F11R: variants seen among roughly 807,000 people sequenced by gnomAD.
F11R encodes the protein F11 receptor.
Under a neutral mutation model 39.3 loss-of-function variants are expected in F11R, and 27 were observed. That is an observed-to-expected ratio of 0.69 (90% CI 0.51 to 0.95). F11R has a LOEUF of 0.95. Among genes scored for constraint, F11R ranks in the 40% least tolerant of loss-of-function variants. F11R has a pLI of 0.00. For missense variants in F11R, 335 were observed against 372.7 expected (o/e 0.90, Z 0.83); for synonymous variants, 131 against 144.9 (o/e 0.90, Z 0.69).
rs566214854 is a variant in F11R, at chr1:160,996,283, T to C, written c.*2588A>G. The C allele has an allele frequency of 6.6e-6, 1 of 152,474 alleles. No individual in the cohort carries two copies. The highest frequency in any genetic ancestry group is 2.1e-4 in the South Asian group (1 of 4,830). The allele number at this position is 152,474 out of a possible 1,614,324, so 9.4% of individuals were successfully genotyped here. On this transcript the variant is annotated 3_prime_UTR_variant, in exon 10 of 10. Coordinates refer to ENST00000368026, the MANE Select transcript of F11R (RefSeq NM_016946.6). ...GGTGTTTTCCAGTTCAAAAGGTCCA[T>C]TGTAAGCTAGAGAAGTAAATTCCAA...
intron 1 of F11R, among the ~76,000 whole-genome samples, chr1:161,015,106 T>C (rs975589287): frequency 2.2e-5 from 3 of 136,368 alleles, no homozygotes; most frequent in Admixed American, 7.6e-5. Context: ...TAAAAAAATA[T>C]GTACAAAAGG....
chr1:161,017,076 C>T (rs1649502781), intron 1 of F11R, among the ~76,000 whole-genome samples: 1 of 152,110 alleles, frequency 6.6e-6, no homozygotes, highest in Non-Finnish European at 1.5e-5. Flanking sequence ...CAGCATGCTC[C>T]TTAAGAGTCA....
chr1:161,005,995 G>A (rs915448021), intron 1 of F11R, among the ~76,000 whole-genome samples: 4 of 152,014 alleles, frequency 2.6e-5, no homozygotes, highest in Admixed American at 6.6e-5. Context: ...AAAATTAGCC[G>A]GGCATGGTGG....
At chr1:161,001,376 G>A (rs1557890148) in intron 1 of F11R, 23 bp from the exon 2 acceptor site, 2 of 1,604,984 alleles carry the variant, frequency 1.2e-6, no homozygotes, top group East Asian at 4.5e-5. Flanking sequence ...AAAGAGGTGG[G>A]CCCTGTCAGG....
In F11R at chr1:160,999,801, C is replaced by T. The variant is rs894859437; in HGVS notation, c.695-54G>A. On this transcript the variant is annotated intron_variant, in intron 6 of 9. Coordinates refer to ENST00000368026, the MANE Select transcript of F11R (RefSeq NM_016946.6). ...CGGGGATACTCACTCACGGCACCTA[C>T]AGTATCACCAATGGCAGGATGAAAA... 18 of 1,602,752 alleles carry T rather than the reference C, an allele frequency of 1.1e-5. No homozygotes were observed. The African/African-American group carries it at 2.1e-4, about 19-fold the overall frequency.
intron 1 of F11R, among the ~76,000 whole-genome samples, chr1:161,008,188 G>A (rs1189395696): frequency 6.6e-6 from 1 of 152,082 alleles, no homozygotes; most frequent in East Asian, 1.9e-4. Flanking sequence ...TAGGTTTTGG[G>A]CCCATGTATA....
rs1044478 is a variant in F11R at position 160,997,173 on chromosome 1, C to T, written c.*1698G>A. On this transcript the variant is annotated 3_prime_UTR_variant, in exon 10 of 10. Transcript: ENST00000368026. Reference sequence around the variant, plus strand: ...AGAAAGCAATGACAGCCAGGCTGTCCGGCTCATTCCTGTTCATTCACATGC... The same window carrying T: ...AGAAAGCAATGACAGCCAGGCTGTCTGGCTCATTCCTGTTCATTCACATGC... 34,135 of 152,222 alleles carry T rather than the reference C, an allele frequency of 0.22. 4,555 individuals carry two copies. The highest frequency in any genetic ancestry group is 0.29 in the Non-Finnish European group (19,647 of 67,972). 9.4% of individuals were successfully genotyped at this position (152,222 alleles called of 1,614,324 possible).
chr1:160,999,835 C>T (rs978177241), intron 6 of F11R, 41 bp downstream of exon 6: 2 of 1,609,464 alleles, frequency 1.2e-6, no homozygotes, highest in African/African-American at 2.7e-5. Context: ...AAGCAGACCC[C>T]AATCCCCACC....
rs1648312927 is a variant in F11R, at chr1:160,999,166, C to G, written c.816-75G>C. The G allele has an allele frequency of 3.1e-6, 5 of 1,597,510 alleles. No homozygotes were observed. In the East Asian group the frequency reaches 1.1e-4, roughly 36 times the overall value. On this transcript the variant is annotated intron_variant, in intron 8 of 9. Transcript: ENST00000368026. ...AACCTCCCCTTGCCAACTTTAAAGG[C>G]CAGAAGCGAGAATGCTACAGAAGCA... is the stretch of plus-strand genomic sequence containing the variant.
At chr1:161,000,422 G>T (rs974703891) in intron 4 of F11R, 74 bp from the exon 5 acceptor site, 16 of 1,505,452 alleles carry the variant, frequency 1.1e-5, no homozygotes, top group Non-Finnish European at 1.5e-5. Context: ...AACTACAATG[G>T]TACCCCCAAC....
intron 1 of F11R, among the ~76,000 whole-genome samples, chr1:161,016,163 AC>A (rs1306478572): frequency 6.6e-6 from 1 of 151,788 alleles, no homozygotes; most frequent in Non-Finnish European, 1.5e-5. Flanking sequence ...CATGGTGAAA[AC>A]CCGTCTCTAC....
intron 1 of F11R, among the ~76,000 whole-genome samples, chr1:161,007,336 A>G (rs1025635105): frequency 1.1e-4 from 16 of 151,514 alleles, no homozygotes; most frequent in African/African-American, 3.6e-4. Context: ...GTGGTGGTGC[A>G]TGCCTGTAAT....
chr1:160,998,698 A>C lies in F11R; in HGVS notation c.*173T>G, dbSNP rs559524199. 22 of 641,602 alleles carry C rather than the reference A, an allele frequency of 3.4e-5. No individual in the cohort carries two copies. In the African/African-American group the frequency reaches 3.7e-4, roughly 11 times the overall value. 39.7% of individuals were successfully genotyped at this position (641,602 alleles called of 1,614,324 possible). ...GGTAGGAAAGGGAGGGAGGGCATGA[A>C]GGAGGATGGGGCACATAGCTGACAT... On this transcript the variant is annotated 3_prime_UTR_variant, in exon 10 of 10. Transcript: ENST00000368026.
intron 1 of F11R, among the ~76,000 whole-genome samples, chr1:161,019,593 C>CAAAAAAA (rs1055209744): frequency 2.1e-5 from 1 of 47,938 alleles, no homozygotes; most frequent in Non-Finnish European, 4.5e-5. Context: ...AACTCTAACT[C>CAAAAAAA]AAAAAAAAAA....
At chr1:160,999,782 TACTC>T (rs1281954003) in intron 6 of F11R, 35 bp from the exon 7 acceptor site, 5 of 1,609,388 alleles carry the variant, frequency 3.1e-6, no homozygotes, top group Non-Finnish European at 4.3e-6. Flanking sequence ...GGCACGGGGA[TACTC>T]ACTCACGGCA....
intron 1 of F11R, among the ~76,000 whole-genome samples, chr1:161,002,832 A>G (rs1648566427): frequency 6.6e-6 from 1 of 152,074 alleles, no homozygotes; most frequent in Non-Finnish European, 1.5e-5. Context: ...CTGTATTTCA[A>G]TCTGATATAA....
chr1:161,021,093 C>A lies in F11R; in HGVS notation c.-20G>T. ...CCCCATCGCGATCAGGCTCCCGACA[C>A]AACAGCCGCCGAAGGACTCCTGGGA... On this transcript the variant is annotated 5_prime_UTR_variant, in exon 1 of 10. Transcript: ENST00000368026. 6.2e-7 allele frequency: 1 copy of A among 1,609,008 alleles called. No homozygotes were observed. The highest frequency in any genetic ancestry group is 1.1e-5 in the South Asian group (1 of 90,972).
chr1:160,998,932 C>T, intron 9 of F11R, 26 bp from the exon 10 acceptor site: 6 of 1,613,626 alleles, frequency 3.7e-6, no homozygotes, highest in Non-Finnish European at 5.1e-6. Flanking sequence ...ATCCAGTCAA[C>T]TCTCAATAGT....
intron 1 of F11R, among the ~76,000 whole-genome samples, chr1:161,015,636 A>G (rs1239516112): frequency 1.3e-5 from 2 of 149,650 alleles, no homozygotes; most frequent in Non-Finnish European, 3.0e-5. Context: ...ATGCCATTGT[A>G]CTCCAGCCTG....
Sources: allele counts gnomAD v4.1 joint callset (sites outside exome capture counted in the v4.1 genomes callset), GRCh38; gene constraint gnomAD v4.1.1; transcripts MANE v1.5; gene names NCBI Gene and HGNC (gene_info 2026-07-23, HGNC 2026-07-21).